CMSS1: variants seen among roughly 807,000 people sequenced by gnomAD.
The protein encoded by CMSS1 is cms1 ribosomal small subunit homolog, also known as protein CMSS1.
CMSS1 carries 33 observed loss-of-function variants against 43.5 expected under a neutral mutation model. That is an observed-to-expected ratio of 0.76 (90% CI 0.57 to 1.01). CMSS1 has a LOEUF of 1.01. CMSS1 is among the 50% of genes least tolerant of loss of function. CMSS1 has a pLI of 0.00. For synonymous variants in CMSS1, 115 were observed against 117.2 expected, an observed-to-expected ratio of 0.98 and a Z score of 0.12; for missense variants, 313 against 326.4, an observed-to-expected ratio of 0.96 and a Z score of 0.32.
intron 1 of CMSS1, among the ~76,000 whole-genome samples, chr3:99,964,064 A>G (rs893715855): frequency 6.6e-6 from 1 of 151,994 alleles, no homozygotes; most frequent in Admixed American, 6.5e-5. Context: ...GAACATAATA[A>G]TTGTTATGTG....
chr3:99,849,883 A>G lies in CMSS1; in HGVS notation c.64+31840A>G, dbSNP rs756131330. On this transcript the variant is annotated intron_variant, in intron 1 of 9. Transcript: ENST00000421999. ...TTTGTTTTTTAGGAAATCTTTCTCA[A>G]TTGCTTCCAATGATTGAAGCCTATT... The G allele has an allele frequency of 6.8e-5, 109 of 1,611,420 alleles. No homozygotes were observed. The highest frequency in any genetic ancestry group is 8.7e-5 in the Non-Finnish European group (103 of 1,179,542).
At chr3:99,836,915 G>T (rs1229519106) in intron 1 of CMSS1, among the ~76,000 whole-genome samples, 2 of 152,208 alleles carry the variant, frequency 1.3e-5, no homozygotes, top group East Asian at 3.8e-4. Context: ...ACAGAGCCAT[G>T]CAGTAAGGAC....
At chr3:99,823,925 CTTTT>C (rs1288112808) in intron 1 of CMSS1, among the ~76,000 whole-genome samples, 2 of 141,970 alleles carry the variant, frequency 1.4e-5, no homozygotes, top group Non-Finnish European at 1.5e-5. Flanking sequence ...TTCTTTCTTT[CTTTT>C]TTTTTTTTTT....
chr3:99,847,965 A>C, intron 1 of CMSS1: 1 of 1,040,578 alleles, frequency 9.6e-7, no homozygotes, highest in Non-Finnish European at 1.2e-6. Flanking sequence ...ATAATGTTAA[A>C]GTATTTCACC....
intron 1 of CMSS1, among the ~76,000 whole-genome samples, chr3:100,043,991 A>G (rs149795535): frequency 6.1e-4 from 93 of 152,322 alleles, no homozygotes; most frequent in African/African-American, 2.1e-3. Context: ...CTCCAGTTCC[A>G]TCCACGTTGT....
At chr3:100,079,197 G>A (rs999507913) in intron 1 of CMSS1, among the ~76,000 whole-genome samples, 3 of 152,214 alleles carry the variant, frequency 2.0e-5, no homozygotes, top group African/African-American at 7.2e-5. Flanking sequence ...AGAATGCAAA[G>A]GTGAGAGTCG....
At chr3:100,084,024 T>C (rs1449992894) in intron 1 of CMSS1, among the ~76,000 whole-genome samples, 1 of 152,210 alleles carries the variant, frequency 6.6e-6, no homozygotes, top group Non-Finnish European at 1.5e-5. Flanking sequence ...TGTTATTTCT[T>C]CCTTTCATAA....
chr3:100,155,188 C>T (rs1308680727), intron 2 of CMSS1, among the ~76,000 whole-genome samples: 1 of 152,106 alleles, frequency 6.6e-6, no homozygotes, highest in East Asian at 1.9e-4. Context: ...ATTTCCTCAC[C>T]AACTGCTGCC....
At chr3:100,011,627 T>G (rs1297974806) in intron 1 of CMSS1, 2 of 152,226 alleles carry the variant, frequency 1.3e-5, no homozygotes, top group Non-Finnish European at 2.9e-5. Flanking sequence ...GAATATTGGA[T>G]GAAGCAGTGG....
At chr3:99,957,693 C>CTTTCTT (rs1708364770) in intron 1 of CMSS1, among the ~76,000 whole-genome samples, 1 of 19,890 alleles carries the variant, frequency 5.0e-5, no homozygotes, top group African/African-American at 1.7e-4. Context: ...TTCTTTCTTT[C>CTTTCTT]TTTTTTTTTT....
intron 1 of CMSS1, among the ~76,000 whole-genome samples, chr3:100,069,089 C>CAAGTT (rs1438661663): frequency 2.0e-5 from 3 of 152,182 alleles, no homozygotes; most frequent in Admixed American, 2.0e-4. Flanking sequence ...TCATACAAGT[C>CAAGTT]TGGTGCCTCA....
intron 1 of CMSS1, among the ~76,000 whole-genome samples, chr3:100,118,731 C>G (rs1397353785): frequency 6.6e-6 from 1 of 152,110 alleles, no homozygotes; most frequent in East Asian, 1.9e-4. Flanking sequence ...AAACTCTTCC[C>G]CTTTCCTGTG....
chr3:99,886,122 G>A (rs146876207), intron 1 of CMSS1, among the ~76,000 whole-genome samples: 81 of 152,358 alleles, frequency 5.3e-4, no homozygotes, highest in African/African-American at 1.9e-3. Flanking sequence ...CGTGCACATG[G>A]ACGTGAGTGA....
chr3:99,889,934 T>A (rs868812823), intron 1 of CMSS1, among the ~76,000 whole-genome samples: 1 of 152,128 alleles, frequency 6.6e-6, no homozygotes, highest in Non-Finnish European at 1.5e-5. Context: ...ATTGTTCTAT[T>A]AGGCAATTAT....
chr3:99,839,251 T>A (rs578252415), intron 1 of CMSS1, among the ~76,000 whole-genome samples: 1 of 152,328 alleles, frequency 6.6e-6, no homozygotes, highest in African/African-American at 2.4e-5. Flanking sequence ...AGCTCTTAGT[T>A]ACCTTTTAAG....
At chr3:99,905,372 C>A (rs1350667440) in intron 1 of CMSS1, among the ~76,000 whole-genome samples, 5 of 152,178 alleles carry the variant, frequency 3.3e-5, no homozygotes, top group Non-Finnish European at 7.3e-5. Context: ...AAGCCAAACT[C>A]TCTTGTCCTC....
chr3:100,027,048 G>A (rs188472501), intron 1 of CMSS1, among the ~76,000 whole-genome samples: 94 of 152,002 alleles, frequency 6.2e-4, no homozygotes, highest in Non-Finnish European at 1.1e-3. Flanking sequence ...GTATCTCTAC[G>A]GCCCATTCAT....
chr3:100,114,781 C>G (rs934642233), intron 1 of CMSS1: 5 of 517,718 alleles, frequency 9.7e-6, no homozygotes, highest in Non-Finnish European at 1.7e-5. Flanking sequence ...TCATTTTGTA[C>G]CCTGCAGCCA....
At chr3:100,064,697 T>C (rs1006817688) in intron 1 of CMSS1, among the ~76,000 whole-genome samples, 2 of 152,212 alleles carry the variant, frequency 1.3e-5, no homozygotes, top group African/African-American at 4.8e-5. Context: ...TTTCTTTAGC[T>C]TCAGATTCAT....
Sources: allele counts gnomAD v4.1 joint callset (sites outside exome capture counted in the v4.1 genomes callset), GRCh38; gene constraint gnomAD v4.1.1; transcripts MANE v1.5; gene names NCBI Gene and HGNC (gene_info 2026-07-23, HGNC 2026-07-21).